The following HDAC4 variants were observed in gnomAD, a reference collection of about 807,000 sequenced individuals.
HDAC4 encodes the protein histone deacetylase A.
A neutral mutation model predicts 135.1 loss-of-function variants in HDAC4; 16 were observed. The ratio of observed to expected loss-of-function variants is 0.12; its 90% CI spans 0.08 to 0.18. HDAC4 has a LOEUF of 0.18. HDAC4 is among the 10% of genes least tolerant of loss of function. The pLI is 1.00. For synonymous variants in HDAC4, 685 were observed against 653.4 expected (o/e 1.05, Z -0.74); for missense variants, 1,143 against 1,511.8 (o/e 0.76, Z 4.05).
intron 6 of HDAC4, among the ~76,000 whole-genome samples, chr2:239,158,717 C>A (rs2042580815): frequency 6.6e-6 from 1 of 152,040 alleles, no homozygotes. Context: ...AGAGCCCGCC[C>A]CACCGCGCAC....
chr2:239,190,176 G>C (rs2044831584), intron 3 of HDAC4, 99 bp from the exon 4 acceptor site: 1 of 1,328,924 alleles, frequency 7.5e-7, no homozygotes. Context: ...TCACGGGGCG[G>C]GGGGGGGGTT....
intron 6 of HDAC4, among the ~76,000 whole-genome samples, chr2:239,157,654 G>A (rs1294818635): frequency 1.3e-5 from 2 of 152,194 alleles, no homozygotes; most frequent in Admixed American, 6.5e-5. Context: ...TTTAAACTGC[G>A]TAATCTGCTT....
intron 11 of HDAC4, among the ~76,000 whole-genome samples, chr2:239,127,157 G>A (rs1417217077): frequency 6.6e-6 from 1 of 152,200 alleles, no homozygotes; most frequent in African/African-American, 2.4e-5. Context: ...CCTGAGTTGT[G>A]AGAAAAACAA....
At chr2:239,122,688 G>A (rs915286600) in intron 12 of HDAC4, among the ~76,000 whole-genome samples, 3 of 152,248 alleles carry the variant, frequency 2.0e-5, no homozygotes, top group African/African-American at 7.2e-5. Context: ...GCAGGCTGCA[G>A]GCCTCGGGAA....
chr2:239,368,626 GAC>G (rs902141973), intron 1 of HDAC4, among the ~76,000 whole-genome samples: 1 of 152,112 alleles, frequency 6.6e-6, no homozygotes, highest in Non-Finnish European at 1.5e-5. Flanking sequence ...GTTTCCTCCA[GAC>G]ACAGACACTC....
intron 5 of HDAC4, among the ~76,000 whole-genome samples, chr2:239,173,229 C>T (rs149452386): frequency 7.2e-5 from 11 of 152,306 alleles, no homozygotes; most frequent in African/African-American, 1.7e-4. Flanking sequence ...CAATCTCCCT[C>T]AGGAACACAG....
chr2:239,398,663 C>A (rs762213612), intron 1 of HDAC4, among the ~76,000 whole-genome samples: 1 of 152,248 alleles, frequency 6.6e-6, no homozygotes, highest in Admixed American at 6.5e-5. Context: ...CCAAGGCCTC[C>A]GAGAATATGG....
At chr2:239,149,594 C>T (rs974532327) in intron 7 of HDAC4, among the ~76,000 whole-genome samples, 11 of 152,142 alleles carry the variant, frequency 7.2e-5, no homozygotes, top group Non-Finnish European at 1.5e-4. Context: ...ACGTGCCCTG[C>T]GTGGCTCCAG....
At chr2:239,236,479 A>G (rs1490169498) in intron 3 of HDAC4, 114 bp downstream of exon 3, 5 of 811,160 alleles carry the variant, frequency 6.2e-6, no homozygotes, top group Non-Finnish European at 1.0e-5. Context: ...TGAACCTGAT[A>G]CCCCACACCT....
chr2:239,400,022 C>T lies in HDAC4; in HGVS notation c.-220+956G>A, dbSNP rs969567167. The stretch of plus-strand genomic sequence containing the variant: ...TTCCAACTGATACGCACGGTCTCCT[C>T]CTATAACAGTGTCAAATAATTCAAC... On this transcript the variant is annotated intron_variant, in intron 1 of 26. Transcript: ENST00000543185. The surrounding 1 kb of genome is among the most constrained non-coding windows in gnomAD (Gnocchi z 4.7). Among the ~76,000 whole-genome samples the T allele has an allele frequency of 1.3e-5, 2 of 152,332 alleles. No individual in the cohort carries two copies. Among genetic ancestry groups the T allele is most frequent in the East Asian group, 3.9e-4 (2 of 5,174 alleles).
intron 2 of HDAC4, among the ~76,000 whole-genome samples, chr2:239,277,017 G>A (rs937582185): frequency 1.3e-5 from 2 of 152,026 alleles, no homozygotes; most frequent in African/African-American, 4.8e-5. Context: ...CCACTGCCGC[G>A]CCCTCCTGGG....
chr2:239,054,257 T>C (rs369517154), intron 25 of HDAC4, among the ~76,000 whole-genome samples: 157 of 152,184 alleles, frequency 1.0e-3, no homozygotes, highest in African/African-American at 3.5e-3. Flanking sequence ...GAGGCGCCTC[T>C]GAGATAGGCT....
At chr2:239,339,397 C>T (rs10169764) in intron 2 of HDAC4, among the ~76,000 whole-genome samples, 79,033 of 152,032 alleles carry the variant, frequency 0.52, 20,850 homozygotes, top group African/African-American at 0.59. Flanking sequence ...GCAATGGGCC[C>T]AGTCCAGGTC....
At chr2:239,079,955 G>A (rs1391815389) in intron 22 of HDAC4, among the ~76,000 whole-genome samples, 1 of 148,416 alleles carries the variant, frequency 6.7e-6, no homozygotes, top group Non-Finnish European at 1.5e-5. Context: ...ACAGATGTGT[G>A]TAACACACAT....
At chr2:239,389,505 C>G (rs537736339) in intron 1 of HDAC4, among the ~76,000 whole-genome samples, 1 of 152,258 alleles carries the variant, frequency 6.6e-6, no homozygotes, top group Admixed American at 6.5e-5. Context: ...CAAAGGTCTG[C>G]AGCTTCATTC....
At chr2:239,169,329 G>GT (rs1323136138) in intron 5 of HDAC4, among the ~76,000 whole-genome samples, 1 of 152,216 alleles carries the variant, frequency 6.6e-6, no homozygotes, top group Non-Finnish European at 1.5e-5. Context: ...GCTTGGGCCC[G>GT]TGGCGCACAC....
At chr2:239,330,844 T>C (rs1248588679) in intron 2 of HDAC4, among the ~76,000 whole-genome samples, 2 of 152,224 alleles carry the variant, frequency 1.3e-5, no homozygotes, top group Admixed American at 6.5e-5. Flanking sequence ...CGTAGTATAC[T>C]AAACGTGGTA....
chr2:239,183,425 G>A (rs1196770899), intron 4 of HDAC4, among the ~76,000 whole-genome samples: 2 of 152,242 alleles, frequency 1.3e-5, no homozygotes, highest in African/African-American at 4.8e-5. Flanking sequence ...GGAAAGGGCG[G>A]CAGAATGGAC....
intron 6 of HDAC4, among the ~76,000 whole-genome samples, chr2:239,159,016 A>T (rs2152956529): frequency 6.6e-6 from 1 of 150,488 alleles, no homozygotes; most frequent in South Asian, 2.1e-4. Context: ...CCATACCTGC[A>T]CCTCACACTA....
Sources: gnomAD v4.1 joint callset for allele counts (sites outside exome capture counted in the v4.1 genomes callset) on GRCh38, gnomAD v4.1.1 for gene constraint, Gnocchi (gnomAD v3.1) non-coding constraint, MANE v1.5 for transcripts, NCBI Gene and HGNC (gene_info 2026-07-23, HGNC 2026-07-21) for gene names.